The following ST6GAL1 variants were observed in gnomAD, a reference collection of about 807,000 sequenced individuals.
ST6GAL1 encodes the protein ST6 beta-galactoside alpha-2,6-sialyltransferase 1.
Under a neutral mutation model 38.0 loss-of-function variants are expected in ST6GAL1, and 20 were observed. The observed-to-expected ratio is 0.53, with a 90% CI of 0.37 to 0.77. ST6GAL1 has a LOEUF of 0.77. Among genes scored for constraint, ST6GAL1 ranks in the 30% least tolerant of loss-of-function variants. ST6GAL1 has a pLI of 0.00. For missense variants in ST6GAL1, 432 were observed against 496.4 expected (o/e 0.87, Z 1.23); for synonymous variants, 196 against 188.2 (o/e 1.04, Z -0.34).
chr3:187,060,888 T>A (rs1289308874), intron 5 of ST6GAL1, among the ~76,000 whole-genome samples: 1 of 152,128 alleles, frequency 6.6e-6, no homozygotes, highest in East Asian at 1.9e-4. Flanking sequence ...AATTCAGAAG[T>A]TTTAAATGAC....
intron 2 of ST6GAL1, among the ~76,000 whole-genome samples, chr3:187,030,455 A>T (rs1289917111): frequency 6.6e-6 from 1 of 152,094 alleles, no homozygotes; most frequent in Admixed American, 6.5e-5. Context: ...TATTTTTTAG[A>T]CAGAGTCTTG....
In ST6GAL1 at chr3:187,072,990, T is replaced by C. The variant is rs745992313; in HGVS notation, c.804+43T>C. On this transcript the variant is annotated intron_variant, in intron 6 of 7. Coordinates refer to ENST00000169298, the MANE Select transcript of ST6GAL1 (RefSeq NM_173216.2). ...GGAAATAGGGGTTGAGTTTCCTGTC[T>C]GTCTACAGATTTTCCTGATTTCCTA... 5 of 1,474,330 alleles carry C rather than the reference T, an allele frequency of 3.4e-6. No homozygotes were observed. The African/African-American group carries it at 7.0e-5, about 21-fold the overall frequency. The allele number at this position is 1,474,330 out of a possible 1,614,324, so 91.3% of individuals were successfully genotyped here.
In ST6GAL1 at chr3:186,953,684, A is replaced by G. The variant is rs565877326; in HGVS notation, c.-324-10101A>G. The stretch of plus-strand genomic sequence containing the variant: ...AGCTATTTCTTTAGGACCCAGAGCA[A>G]TGCCTCAGGTATCATAGGCATAATC... On this transcript the variant is annotated intron_variant, in intron 1 of 7. Transcript: ENST00000169298. 7.9e-5 allele frequency among the ~76,000 whole-genome samples: 12 copies of G among 152,304 alleles called. No individual in the cohort carries two copies. In the South Asian group the frequency reaches 2.1e-3, roughly 26 times the overall value.
intron 1 of ST6GAL1, among the ~76,000 whole-genome samples, chr3:186,943,872 C>T (rs1219260124): frequency 1.3e-5 from 2 of 152,346 alleles, no homozygotes; most frequent in South Asian, 4.1e-4. Context: ...CTCCAGAGCC[C>T]ATGTCTCAGC....
intron 1 of ST6GAL1, among the ~76,000 whole-genome samples, chr3:186,940,230 CAAATG>C (rs1400199484): frequency 1.3e-5 from 2 of 152,112 alleles, no homozygotes; most frequent in African/African-American, 4.8e-5. Flanking sequence ...CTGAGATTAT[CAAATG>C]AAACATACAT....
At chr3:187,029,338 C>T (rs1355092599) in intron 2 of ST6GAL1, among the ~76,000 whole-genome samples, 1 of 152,006 alleles carries the variant, frequency 6.6e-6, no homozygotes, top group East Asian at 1.9e-4. Flanking sequence ...GAACAACTTT[C>T]TTAAGTAAAC....
intron 5 of ST6GAL1, among the ~76,000 whole-genome samples, chr3:187,059,836 T>G (rs1718848589): frequency 6.6e-6 from 1 of 152,176 alleles, no homozygotes; most frequent in Admixed American, 6.5e-5. Context: ...AATCAAATAG[T>G]TTTACAAATA....
At chr3:187,054,961 G>C (rs1233263282) in intron 5 of ST6GAL1, among the ~76,000 whole-genome samples, 1 of 152,148 alleles carries the variant, frequency 6.6e-6, no homozygotes. Flanking sequence ...ATTAGTTATT[G>C]CCTCAATTTC....
chr3:186,995,283 C>T (rs751996492), intron 2 of ST6GAL1, among the ~76,000 whole-genome samples: 50 of 151,262 alleles, frequency 3.3e-4, no homozygotes, highest in Non-Finnish European at 2.5e-4. Flanking sequence ...CCTAGGAAGG[C>T]GGATCATGAG....
intron 5 of ST6GAL1, among the ~76,000 whole-genome samples, chr3:187,053,433 T>A (rs1718583007): frequency 6.6e-6 from 1 of 152,220 alleles, no homozygotes; most frequent in Non-Finnish European, 1.5e-5. Flanking sequence ...TGGTTTTAGG[T>A]CTAACATTTA....
chr3:187,069,018 C>T (rs184329402), intron 5 of ST6GAL1, among the ~76,000 whole-genome samples: 33 of 152,138 alleles, frequency 2.2e-4, no homozygotes, highest in Non-Finnish European at 1.5e-4. Context: ...TAAGTTACAA[C>T]GTTCCCAGTG....
intron 1 of ST6GAL1, among the ~76,000 whole-genome samples, chr3:186,933,442 C>G (rs956210618): frequency 6.6e-6 from 1 of 152,144 alleles, no homozygotes; most frequent in African/African-American, 2.4e-5. Context: ...TGCACGAGCT[C>G]GGAACCACCG....
At chr3:187,019,159 CAA>C (rs1177680196) in intron 2 of ST6GAL1, among the ~76,000 whole-genome samples, 1 of 152,264 alleles carries the variant, frequency 6.6e-6, no homozygotes, top group East Asian at 1.9e-4. Context: ...TCGGGGGAAA[CAA>C]AATACAAGAG....
intron 6 of ST6GAL1, 58 bp from the exon 7 acceptor site, chr3:187,074,101 G>A: frequency 1.3e-6 from 2 of 1,488,644 alleles, no homozygotes; most frequent in African/African-American, 1.4e-5. Flanking sequence ...ATGACTCCTG[G>A]GGGGAGCAGC....
At chr3:187,055,187 C>T (rs1718651730) in intron 5 of ST6GAL1, among the ~76,000 whole-genome samples, 1 of 150,870 alleles carries the variant, frequency 6.6e-6, no homozygotes, top group African/African-American at 2.4e-5. Flanking sequence ...ATTCTTCTCT[C>T]TTTTCTTCTT....
intron 2 of ST6GAL1, among the ~76,000 whole-genome samples, chr3:187,025,071 A>G (rs574559707): frequency 5.8e-4 from 87 of 151,272 alleles, no homozygotes; most frequent in African/African-American, 2.0e-3. Flanking sequence ...TACGTTCTCA[A>G]TTCTCCCAGG....
At chr3:186,972,301 C>T (rs979974469) in intron 2 of ST6GAL1, among the ~76,000 whole-genome samples, 1 of 151,288 alleles carries the variant, frequency 6.6e-6, no homozygotes, top group Non-Finnish European at 1.5e-5. Context: ...GGCTGGAGTG[C>T]GCCTGGGAGG....
chr3:187,045,347 C>G (rs1003143372), intron 4 of ST6GAL1, among the ~76,000 whole-genome samples: 1 of 151,854 alleles, frequency 6.6e-6, no homozygotes. Flanking sequence ...ATAACATACT[C>G]TGCCTCCAGC....
intron 2 of ST6GAL1, among the ~76,000 whole-genome samples, chr3:187,003,850 T>C (rs1012290861): frequency 1.3e-5 from 2 of 152,196 alleles, no homozygotes; most frequent in African/African-American, 4.8e-5. Context: ...CATTTTTTTT[T>C]CCTTTGGTCC....
Sources: allele counts gnomAD v4.1 joint callset (sites outside exome capture counted in the v4.1 genomes callset), GRCh38; gene constraint gnomAD v4.1.1; transcripts MANE v1.5; gene names NCBI Gene and HGNC (gene_info 2026-07-23, HGNC 2026-07-21).